The following RAP1GAP variants were observed in gnomAD, a reference collection of about 807,000 sequenced individuals.
RAP1GAP encodes the protein rap1 GTPase-activating protein 1.
Under a neutral mutation model 87.2 loss-of-function variants are expected in RAP1GAP, and 35 were observed. The ratio of observed to expected loss-of-function variants is 0.40; its 90% CI spans 0.31 to 0.53. RAP1GAP has a LOEUF of 0.53. RAP1GAP is among the 20% of genes least tolerant of loss of function. The pLI, the probability that RAP1GAP is intolerant of heterozygous loss-of-function variation, is 0.48. For synonymous variants in RAP1GAP, 375 were observed against 363.9 expected (o/e 1.03, Z -0.35); for missense variants, 734 against 898.9 (o/e 0.82, Z 2.35).
chr1:21,619,480 G>C (rs1282335282), intron 4 of RAP1GAP, among the ~76,000 whole-genome samples: 1 of 152,048 alleles, frequency 6.6e-6, no homozygotes, highest in Non-Finnish European at 1.5e-5. Context: ...GAGACAGAAA[G>C]AGAAACAGGA....
intron 2 of RAP1GAP, among the ~76,000 whole-genome samples, chr1:21,638,927 C>A (rs953083548): frequency 2.0e-5 from 3 of 152,036 alleles, no homozygotes; most frequent in Non-Finnish European, 4.4e-5. Flanking sequence ...CTGGGTTGCA[C>A]CCCCATTCTG....
chr1:21,643,738 T>A (rs1237486168), intron 2 of RAP1GAP, among the ~76,000 whole-genome samples: 1 of 152,174 alleles, frequency 6.6e-6, no homozygotes, highest in Non-Finnish European at 1.5e-5. Flanking sequence ...CCCCTGCGCA[T>A]ACACTCTGCA....
At chr1:21,638,130 A>T (rs532754764) in intron 2 of RAP1GAP, among the ~76,000 whole-genome samples, 19 of 148,592 alleles carry the variant, frequency 1.3e-4, no homozygotes, top group Non-Finnish European at 2.5e-4. Context: ...CAGCCTGAGT[A>T]ACAGAGCAAG....
intron 1 of RAP1GAP, among the ~76,000 whole-genome samples, chr1:21,658,043 GA>G (rs1269431524): frequency 1.3e-5 from 2 of 152,180 alleles, no homozygotes; most frequent in Non-Finnish European, 2.9e-5. Context: ...TGGGGGACAG[GA>G]AAGCTACGCT....
At chr1:21,664,031 A>C (rs1012323198) in intron 1 of RAP1GAP, among the ~76,000 whole-genome samples, 1 of 152,208 alleles carries the variant, frequency 6.6e-6, no homozygotes, top group African/African-American at 2.4e-5. Flanking sequence ...CCCATTCCAC[A>C]GATGGAAAGG....
Position 21,622,300 on chromosome 1 carries a change from CG to C in RAP1GAP, c.-18-2251del. The C allele has an allele frequency of 4.0e-6, 2 of 499,826 alleles. No individual in the cohort carries two copies. The highest frequency in any genetic ancestry group is 3.7e-5 in the Admixed American group (1 of 27,104). 31.0% of individuals were successfully genotyped at this position (499,826 alleles called of 1,614,324 possible). On this transcript the variant is annotated intron_variant, in intron 3 of 24. Transcript: ENST00000374765. The surrounding 1 kb of genome is among the most constrained non-coding windows in gnomAD (Gnocchi z 5.7). ...CCCAGCAGTCGGGGTGACCCAGCCCCGGGGTCCCTCCGCCATGCCGCCCCGC... is the reference window on the plus strand; with the variant it reads ...CCCAGCAGTCGGGGTGACCCAGCCCCGGGTCCCTCCGCCATGCCGCCCCGC...
rs1201784145 is a variant in RAP1GAP at position 21,598,497 on chromosome 1, G to A, written c.1782C>T (p.Ser594=). The change falls in exon 22 of 25, where the codon AGC becomes AGT. Residue 594 remains serine, a synonymous_variant. Coordinates refer to ENST00000374765, the MANE Select transcript of RAP1GAP (RefSeq NM_002885.4). The stretch of plus-strand genomic sequence containing the variant: ...TGTGGGGTGTTCCTGAGGATGACAC[G>A]CTCTCCTGGGGAGGGGGTGGAAAGA... ...GVDGEDTGLE[S]VSSSGTPHKR... 5 of 1,611,256 alleles carry A rather than the reference G, an allele frequency of 3.1e-6. No homozygotes were observed. Among genetic ancestry groups the A allele is most frequent in the East Asian group, 2.2e-5 (1 of 44,794 alleles).
chr1:21,614,435 C>G (rs1411127570), intron 7 of RAP1GAP, among the ~76,000 whole-genome samples: 2 of 152,188 alleles, frequency 1.3e-5, no homozygotes, highest in African/African-American at 4.8e-5. Context: ...GGGTGCTCAT[C>G]GAGTCTGGAC....
At chr1:21,627,338 C>T (rs1313751125) in intron 2 of RAP1GAP, among the ~76,000 whole-genome samples, 1 of 152,086 alleles carries the variant, frequency 6.6e-6, no homozygotes, top group South Asian at 2.1e-4. Context: ...GCTGCCACAC[C>T]CCAAGAGGGG....
chr1:21,640,054 GC>G (rs1452834230), intron 2 of RAP1GAP, among the ~76,000 whole-genome samples: 1 of 149,122 alleles, frequency 6.7e-6, no homozygotes, highest in Non-Finnish European at 1.5e-5. Context: ...CCCATCCCCG[GC>G]CCCCCTCCCA....
At chr1:21,662,020 G>T (rs1367630232) in intron 1 of RAP1GAP, among the ~76,000 whole-genome samples, 1 of 152,234 alleles carries the variant, frequency 6.6e-6, no homozygotes, top group East Asian at 1.9e-4. Context: ...GAGGAGGCAG[G>T]CATCACTGGG....
intron 17 of RAP1GAP, 44 bp from the exon 18 acceptor site, chr1:21,606,241 G>C: frequency 6.5e-7 from 1 of 1,548,604 alleles, no homozygotes; most frequent in South Asian, 1.2e-5. Flanking sequence ...ATTCCTAAGG[G>C]CCGTCCCCTT....
chr1:21,665,166 A>G (rs1234216775), intron 1 of RAP1GAP: 2 of 454,470 alleles, frequency 4.4e-6, no homozygotes, highest in South Asian at 3.2e-5. Context: ...TATGATTCCC[A>G]CTTCCTAGAT....
At chr1:21,629,557 C>G (rs829413) in intron 2 of RAP1GAP, among the ~76,000 whole-genome samples, 26,400 of 152,090 alleles carry the variant, frequency 0.17, 2,706 homozygotes, top group East Asian at 0.35. Flanking sequence ...GCAACTCCAC[C>G]TAAAAAGCCA....
Position 21,603,466 on chromosome 1 carries a change from C to A in RAP1GAP, c.1429-553G>T. ...CAGGAAGGGGTAGGACCCCAGGTCA[C>A]TTCGTGGCGGGGAGGAGGAGTCAGG... On this transcript the variant is annotated intron_variant, in intron 18 of 24. Coordinates refer to ENST00000374765, the MANE Select transcript of RAP1GAP (RefSeq NM_002885.4). This position sits in a 1 kb window ranked among gnomAD's most constrained non-coding sequence, Gnocchi z 6.0. 1 of 588,588 alleles carries A rather than the reference C, an allele frequency of 1.7e-6. No individual in the cohort carries two copies. Among genetic ancestry groups the A allele is most frequent in the Non-Finnish European group, 3.0e-6 (1 of 328,856 alleles). 36.5% of individuals were successfully genotyped at this position (588,588 alleles called of 1,614,324 possible).
At chr1:21,608,122 A>C in intron 17 of RAP1GAP, 91 bp downstream of exon 17, 8 of 1,485,226 alleles carry the variant, frequency 5.4e-6, no homozygotes, top group South Asian at 2.7e-5. Flanking sequence ...CTCCACCCCC[A>C]CGCCGTGTCC....
At chr1:21,606,866 A>G (rs562097354) in intron 17 of RAP1GAP, among the ~76,000 whole-genome samples, 3 of 152,268 alleles carry the variant, frequency 2.0e-5, no homozygotes, top group Admixed American at 2.0e-4. Context: ...CTTCTGAGAA[A>G]TTCTTTGACC....
At chr1:21,651,726 G>C in intron 1 of RAP1GAP, 4 of 1,084,166 alleles carry the variant, frequency 3.7e-6, no homozygotes, top group Non-Finnish European at 5.2e-6. Flanking sequence ...CCCCCCACGC[G>C]TGCACACGCA....
At chr1:21,654,236 A>T (rs1450471327) in intron 1 of RAP1GAP, among the ~76,000 whole-genome samples, 3 of 152,152 alleles carry the variant, frequency 2.0e-5, no homozygotes, top group Non-Finnish European at 4.4e-5. Flanking sequence ...ACTTCCAAGA[A>T]TTTATCTTCT....
Sources: allele counts gnomAD v4.1 joint callset (sites outside exome capture counted in the v4.1 genomes callset), GRCh38; gene constraint gnomAD v4.1.1; non-coding constraint Gnocchi (gnomAD v3.1); transcripts MANE v1.5; gene names NCBI Gene and HGNC (gene_info 2026-07-23, HGNC 2026-07-21).